The following DLGAP1 variants were observed in gnomAD, a reference collection of about 807,000 sequenced individuals.
DLGAP1 encodes DLG associated protein 1, also known as disks large-associated protein 1.
In DLGAP1, 11 loss-of-function variants were observed where a neutral mutation model predicts 90.8. That is an observed-to-expected ratio of 0.12 (90% CI 0.08 to 0.20). The LOEUF is 0.20. Ranked by LOEUF, DLGAP1 falls within the 10% of genes least tolerant of loss-of-function variation. The pLI, the probability that DLGAP1 is intolerant of heterozygous loss-of-function variation, is 1.00. For missense variants in DLGAP1, 1,050 were observed against 1,333.8 expected (o/e 0.79, Z 3.31); for synonymous variants, 558 against 540.7 (o/e 1.03, Z -0.44).
chr18:3,880,289 T>C (rs2071121505), intron 3 of DLGAP1, 149 bp from the exon 4 acceptor site: 1 of 603,310 alleles, frequency 1.7e-6, no homozygotes, highest in South Asian at 2.0e-5. Flanking sequence ...GCTCAAGCCA[T>C]CCTTCCACAC....
chr18:3,531,606 C>A (rs1415252297), intron 10 of DLGAP1, among the ~76,000 whole-genome samples: 2 of 152,030 alleles, frequency 1.3e-5, no homozygotes, highest in Non-Finnish European at 2.9e-5. Context: ...CCTCAGCCTC[C>A]CGAGTAGCTG....
In DLGAP1 at chr18:3,826,435, T is replaced by C. The variant is rs1369292056; in HGVS notation, c.958-12162A>G. Reference sequence around the variant, plus strand: ...GTGGGTGGTGGGATAGGCATGTTAATAGTGGCATCATCGCAGGCTACATTA... The same window carrying C: ...GTGGGTGGTGGGATAGGCATGTTAACAGTGGCATCATCGCAGGCTACATTA... On this transcript the variant is annotated intron_variant, in intron 4 of 12. Coordinates refer to ENST00000315677, the MANE Select transcript of DLGAP1 (RefSeq NM_004746.4). 2.6e-5 allele frequency among the ~76,000 whole-genome samples: 4 copies of C among 152,150 alleles called. No individual in the cohort carries two copies. The East Asian group carries it at 7.7e-4, about 29-fold the overall frequency.
At chr18:3,705,435 C>A (rs1304292447) in intron 7 of DLGAP1, among the ~76,000 whole-genome samples, 1 of 151,304 alleles carries the variant, frequency 6.6e-6, no homozygotes, top group Non-Finnish European at 1.5e-5. Flanking sequence ...CTGTATTTAT[C>A]CCTTAAAAAT....
intron 5 of DLGAP1, among the ~76,000 whole-genome samples, chr18:3,797,658 G>A (rs920301241): frequency 2.6e-5 from 4 of 152,216 alleles, no homozygotes; most frequent in African/African-American, 9.6e-5. Flanking sequence ...TAAAGCGGGA[G>A]GGAGGGGTCA....
chr18:3,524,930 T>C (rs1189146163), intron 10 of DLGAP1, among the ~76,000 whole-genome samples: 1 of 152,218 alleles, frequency 6.6e-6, no homozygotes, highest in Non-Finnish European at 1.5e-5. Flanking sequence ...GTGGATCTGT[T>C]TCATTCCTGA....
rs1200118418 is a variant in DLGAP1 at position 3,517,543 on chromosome 18, C to T, written c.2480-8882G>A. Among the ~76,000 whole-genome samples the T allele has an allele frequency of 1.3e-5, 2 of 152,138 alleles. No homozygotes were observed. Among genetic ancestry groups the T allele is most frequent in the African/African-American group, 2.4e-5 (1 of 41,412 alleles). Reference sequence around the variant, plus strand: ...ATAGAATTGAAGAGAGTTGGCCGGGCGCGGTGGCTCATGCCTGTAATCCCA... The same window carrying T: ...ATAGAATTGAAGAGAGTTGGCCGGGTGCGGTGGCTCATGCCTGTAATCCCA... On this transcript the variant is annotated intron_variant, in intron 10 of 12. Coordinates refer to ENST00000315677, the MANE Select transcript of DLGAP1 (RefSeq NM_004746.4). The surrounding 1 kb of genome is among the most constrained non-coding windows in gnomAD (Gnocchi z 4.1).
At chr18:4,360,539 GATAA>G (rs1200319970) in intron 1 of DLGAP1, among the ~76,000 whole-genome samples, 2 of 152,176 alleles carry the variant, frequency 1.3e-5, no homozygotes, top group Admixed American at 6.5e-5. Context: ...GATAAACATA[GATAA>G]ATAAAGCAAG....
intron 1 of DLGAP1, among the ~76,000 whole-genome samples, chr18:4,153,431 T>C (rs943695646): frequency 6.6e-6 from 1 of 152,232 alleles, no homozygotes; most frequent in Non-Finnish European, 1.5e-5. Flanking sequence ...CATTTGCTTC[T>C]TGGTGACAGC....
At chr18:3,936,340 C>T (rs1215311865) in intron 3 of DLGAP1, among the ~76,000 whole-genome samples, 1 of 152,208 alleles carries the variant, frequency 6.6e-6, no homozygotes, top group Non-Finnish European at 1.5e-5. Context: ...ACAATTTGCC[C>T]CCAAGTGACA....
chr18:4,229,039 C>T (rs1267351794), intron 1 of DLGAP1, among the ~76,000 whole-genome samples: 1 of 151,972 alleles, frequency 6.6e-6, no homozygotes, highest in African/African-American at 2.4e-5. Context: ...TATATGCCAA[C>T]AGCAATCAAC....
chr18:4,257,415 C>A (rs2078911113), intron 1 of DLGAP1, among the ~76,000 whole-genome samples: 1 of 152,128 alleles, frequency 6.6e-6, no homozygotes, highest in South Asian at 2.1e-4. Flanking sequence ...GTATATGTTA[C>A]TCCACTTGGC....
intron 12 of DLGAP1, among the ~76,000 whole-genome samples, chr18:3,501,385 T>A (rs1408042172): frequency 6.6e-6 from 1 of 152,202 alleles, no homozygotes; most frequent in South Asian, 2.1e-4. Flanking sequence ...TGGGTACAAA[T>A]GTTTGGCTTC....
chr18:3,647,457 T>C lies in DLGAP1; in HGVS notation c.1592-65209A>G, dbSNP rs1378313696. 2.0e-5 allele frequency among the ~76,000 whole-genome samples: 3 copies of C among 151,042 alleles called. No individual in the cohort carries two copies. In the East Asian group the frequency reaches 5.8e-4, roughly 29 times the overall value. ...ACTAGGTACTTCAACATTATCTGAT[T>C]TTATTTAAGCTCCTTTTTTTTTTTT... On this transcript the variant is annotated intron_variant, in intron 7 of 12. Transcript: ENST00000315677.
intron 1 of DLGAP1, among the ~76,000 whole-genome samples, chr18:4,207,874 C>A (rs2077754845): frequency 6.6e-6 from 1 of 152,136 alleles, no homozygotes; most frequent in South Asian, 2.1e-4. Flanking sequence ...ATTAAAAAAT[C>A]ATTTATGTGT....
At chr18:4,339,917 T>C (rs2143833876) in intron 1 of DLGAP1, among the ~76,000 whole-genome samples, 1 of 152,316 alleles carries the variant, frequency 6.6e-6, no homozygotes, top group Non-Finnish European at 1.5e-5. Context: ...TTGGAATTCT[T>C]TAAACTACAA....
intron 5 of DLGAP1, among the ~76,000 whole-genome samples, chr18:3,767,250 G>C (rs1283219030): frequency 1.3e-5 from 2 of 152,010 alleles, no homozygotes; most frequent in African/African-American, 4.8e-5. Flanking sequence ...TATTGACTTT[G>C]TAATTTAAAA....
At chr18:3,649,577 C>T (rs2068438168) in intron 7 of DLGAP1, among the ~76,000 whole-genome samples, 1 of 152,168 alleles carries the variant, frequency 6.6e-6, no homozygotes, top group Non-Finnish European at 1.5e-5. Flanking sequence ...TCTCTAGCAT[C>T]TAGTTTAGTC....
rs532404787 is a variant in DLGAP1, at chr18:3,517,685, C to T, written c.2480-9024G>A. On this transcript the variant is annotated intron_variant, in intron 10 of 12. Coordinates refer to ENST00000315677, the MANE Select transcript of DLGAP1 (RefSeq NM_004746.4). This position sits in a 1 kb window ranked among gnomAD's most constrained non-coding sequence, Gnocchi z 4.1. The stretch of plus-strand genomic sequence containing the variant: ...ATACAAAATTAGTCAGGCACGGTGG[C>T]GCATGCCTGTAATCCCAGCTACTCA... 2.6e-5 allele frequency among the ~76,000 whole-genome samples: 4 copies of T among 152,128 alleles called. No homozygotes were observed. The highest frequency in any genetic ancestry group is 7.2e-5 in the African/African-American group (3 of 41,498).
At chr18:4,406,990 T>C (rs2082677194) in intron 1 of DLGAP1, among the ~76,000 whole-genome samples, 1 of 152,208 alleles carries the variant, frequency 6.6e-6, no homozygotes, top group Non-Finnish European at 1.5e-5. Context: ...TTATGATCAT[T>C]GGGAGCTTTC....
Sources: gnomAD v4.1 joint callset for allele counts (sites outside exome capture counted in the v4.1 genomes callset) on GRCh38, gnomAD v4.1.1 for gene constraint, Gnocchi (gnomAD v3.1) non-coding constraint, MANE v1.5 for transcripts, NCBI Gene and HGNC (gene_info 2026-07-23, HGNC 2026-07-21) for gene names.